Variants in FBXL7 observed in about 807,000 individuals in gnomAD.
The protein encoded by FBXL7 is F-box and leucine rich repeat protein 7.
In FBXL7, 12 loss-of-function variants were observed where a neutral mutation model predicts 38.3. The ratio of observed to expected loss-of-function variants is 0.31; its 90% CI spans 0.20 to 0.51. The LOEUF (loss-of-function observed/expected upper bound fraction) is 0.51. Among genes scored for constraint, FBXL7 ranks in the 20% least tolerant of loss-of-function variants. FBXL7 has a pLI of 0.98. For missense variants in FBXL7, 567 were observed against 676.4 expected, an observed-to-expected ratio of 0.84 and a Z score of 1.79; for synonymous variants, 297 against 300.9, an observed-to-expected ratio of 0.99 and a Z score of 0.13.
intron 2 of FBXL7, among the ~76,000 whole-genome samples, chr5:15,779,358 G>A (rs1158537524): frequency 1.3e-5 from 2 of 152,048 alleles, no homozygotes; most frequent in Non-Finnish European, 2.9e-5. Context: ...ATGTTCCAAA[G>A]ATAAAGAAAA....
At chr5:15,763,062 G>T (rs911327529) in intron 2 of FBXL7, among the ~76,000 whole-genome samples, 7 of 151,896 alleles carry the variant, frequency 4.6e-5, no homozygotes, top group Non-Finnish European at 8.8e-5. Context: ...TTTATCACTG[G>T]GCTACATCTA....
rs369498118 is a variant in FBXL7 at position 15,900,057 on chromosome 5, AT to A, written c.128-27821del. On this transcript the variant is annotated intron_variant, in intron 2 of 3. Transcript: ENST00000504595. ...TCAGGTTCTCAGCTTGGTCAGCTCA[AT>A]TTTTTTTTTTTCTTCCAGCATATAG... 3.5e-3 allele frequency among the ~76,000 whole-genome samples: 516 copies of A among 146,340 alleles called. 4 individuals carry two copies. The highest frequency in any genetic ancestry group is 0.012 in the East Asian group (62 of 5,036).
intron 2 of FBXL7, among the ~76,000 whole-genome samples, chr5:15,783,097 G>A (rs948994015): frequency 1.5e-4 from 23 of 152,148 alleles, no homozygotes; most frequent in African/African-American, 5.6e-4. Context: ...CAGCAGAAGA[G>A]AGAAGCAACG....
At chr5:15,531,273 C>T (rs1398810635) in intron 1 of FBXL7, among the ~76,000 whole-genome samples, 1 of 152,024 alleles carries the variant, frequency 6.6e-6, no homozygotes, top group African/African-American at 2.4e-5. Flanking sequence ...TTTGTAAAAA[C>T]AAACATACAA....
chr5:15,659,717 C>T (rs1741997036), intron 2 of FBXL7, among the ~76,000 whole-genome samples: 1 of 152,092 alleles, frequency 6.6e-6, no homozygotes. Context: ...AATTCTAAAG[C>T]ACTGTTAAAA....
At chr5:15,549,061 T>C (rs1249720005) in intron 1 of FBXL7, among the ~76,000 whole-genome samples, 1 of 152,222 alleles carries the variant, frequency 6.6e-6, no homozygotes, top group African/African-American at 2.4e-5. Flanking sequence ...TAGCGTTTCA[T>C]CTTGTAGCCA....
intron 2 of FBXL7, among the ~76,000 whole-genome samples, chr5:15,782,830 TGG>T (rs947754845): frequency 6.6e-6 from 1 of 151,940 alleles, no homozygotes; most frequent in African/African-American, 2.4e-5. Flanking sequence ...ATTGTGGGGG[TGG>T]CCAAAGGGTG....
chr5:15,558,201 G>A (rs1034306462), intron 1 of FBXL7, among the ~76,000 whole-genome samples: 3 of 152,126 alleles, frequency 2.0e-5, no homozygotes, highest in Non-Finnish European at 4.4e-5. Flanking sequence ...CAAAGGAAAA[G>A]AAATCACAGT....
chr5:15,933,958 T>G (rs1292339359), intron 3 of FBXL7, among the ~76,000 whole-genome samples: 1 of 152,146 alleles, frequency 6.6e-6, no homozygotes, highest in African/African-American at 2.4e-5. Context: ...AAAATATACA[T>G]TTATTTATAA....
chr5:15,763,014 C>T (rs1000703220), intron 2 of FBXL7, among the ~76,000 whole-genome samples: 2 of 152,074 alleles, frequency 1.3e-5, no homozygotes, highest in African/African-American at 4.8e-5. Context: ...TTTGTTTTTT[C>T]TCTCTTGCTC....
chr5:15,690,160 G>A (rs1579380442), intron 2 of FBXL7, among the ~76,000 whole-genome samples: 1 of 152,104 alleles, frequency 6.6e-6, no homozygotes, highest in Non-Finnish European at 1.5e-5. Flanking sequence ...GCTAAGTAAT[G>A]AGGCATTTCT....
intron 2 of FBXL7, among the ~76,000 whole-genome samples, chr5:15,674,778 C>T (rs546825545): frequency 6.6e-6 from 1 of 152,296 alleles, no homozygotes; most frequent in East Asian, 1.9e-4. Flanking sequence ...TGATATTTTG[C>T]CATCTGTGGA....
intron 1 of FBXL7, among the ~76,000 whole-genome samples, chr5:15,563,238 T>G (rs1307665033): frequency 6.6e-6 from 1 of 152,168 alleles, no homozygotes. Context: ...AGTATAGTGC[T>G]TGGCACCAAG....
intron 2 of FBXL7, among the ~76,000 whole-genome samples, chr5:15,903,510 T>G (rs1741281699): frequency 6.6e-6 from 1 of 152,200 alleles, no homozygotes; most frequent in South Asian, 2.1e-4. Context: ...AACCCACAAT[T>G]TATTCCAACT....
intron 2 of FBXL7, among the ~76,000 whole-genome samples, chr5:15,886,896 A>G (rs1740699808): frequency 6.6e-6 from 1 of 152,168 alleles, no homozygotes; most frequent in South Asian, 2.1e-4. Flanking sequence ...CCCCAAAATG[A>G]TTTAAAGTGC....
chr5:15,516,893 C>T, intron 1 of FBXL7, among the ~76,000 whole-genome samples: 1 of 152,194 alleles, frequency 6.6e-6, no homozygotes, highest in Admixed American at 6.5e-5. Context: ...GCCTCCCCAG[C>T]TATGCTGAAC....
chr5:15,546,683 A>G (rs1737905814), intron 1 of FBXL7, among the ~76,000 whole-genome samples: 1 of 152,214 alleles, frequency 6.6e-6, no homozygotes, highest in Admixed American at 6.5e-5. Flanking sequence ...GTGAGCTGAG[A>G]TCACGTCACT....
rs1176519941 is a variant in FBXL7 at position 15,653,348 on chromosome 5, A to T, written c.127+37276A>T. 2.0e-5 allele frequency among the ~76,000 whole-genome samples: 3 copies of T among 152,214 alleles called. No homozygotes were observed. In the South Asian group the frequency reaches 6.2e-4, roughly 32 times the overall value. ...AGGCACAATAAAGCAAAGTTACAGT[A>T]AAATGAAGTATTCTCTTATTTAGTT... On this transcript the variant is annotated intron_variant, in intron 2 of 3. Coordinates refer to ENST00000504595, the MANE Select transcript of FBXL7 (RefSeq NM_012304.5).
chr5:15,629,924 AAAG>A (rs1432701950), intron 2 of FBXL7, among the ~76,000 whole-genome samples: 17 of 152,268 alleles, frequency 1.1e-4, no homozygotes, highest in Middle Eastern at 3.4e-3. Context: ...TTTTTTAAAA[AAAG>A]CTTAATGTTA....
Sources: gnomAD v4.1 joint callset for allele counts (sites outside exome capture counted in the v4.1 genomes callset) on GRCh38, gnomAD v4.1.1 for gene constraint, MANE v1.5 for transcripts, NCBI Gene and HGNC (gene_info 2026-07-23, HGNC 2026-07-21) for gene names.